CTNNA2: variants seen among roughly 807,000 people sequenced by gnomAD.
CTNNA2 encodes the protein catenin alpha 2.
A neutral mutation model predicts 101.0 loss-of-function variants in CTNNA2; 42 were observed. The ratio of observed to expected loss-of-function variants is 0.42; its 90% CI spans 0.32 to 0.54. CTNNA2 has a LOEUF of 0.54. CTNNA2 is among the 20% of genes least tolerant of loss of function. The pLI, the probability that CTNNA2 is intolerant of heterozygous loss-of-function variation, is 0.14. For synonymous variants in CTNNA2, 450 were observed against 456.4 expected (o/e 0.99, Z 0.18); for missense variants, 871 against 1,223.1 (o/e 0.71, Z 4.29).
chr2:79,598,588 T>C (rs1438711952), intron 1 of CTNNA2, among the ~76,000 whole-genome samples: 1 of 152,250 alleles, frequency 6.6e-6, no homozygotes, highest in African/African-American at 2.4e-5. Context: ...CATATGCTTA[T>C]TTGTCATCTG....
chr2:79,824,430 T>C (rs1678255035), intron 3 of CTNNA2, among the ~76,000 whole-genome samples: 1 of 152,156 alleles, frequency 6.6e-6, no homozygotes, highest in African/African-American at 2.4e-5. Context: ...TCACGATCAA[T>C]CTTAGGATGA....
At chr2:80,503,522 A>G (rs182587430) in intron 9 of CTNNA2, among the ~76,000 whole-genome samples, 7 of 152,304 alleles carry the variant, frequency 4.6e-5, no homozygotes, top group African/African-American at 1.4e-4. Context: ...CCCAAAATCA[A>G]ATCTATACCC....
At chr2:80,453,413 C>T (rs1406851996) in intron 9 of CTNNA2, among the ~76,000 whole-genome samples, 2 of 151,352 alleles carry the variant, frequency 1.3e-5, no homozygotes, top group Non-Finnish European at 2.9e-5. Context: ...TGGTACTGAA[C>T]TTCACTATGG....
intron 3 of CTNNA2, among the ~76,000 whole-genome samples, chr2:79,801,393 G>T (rs777441011): frequency 2.0e-5 from 3 of 152,182 alleles, no homozygotes; most frequent in African/African-American, 4.8e-5. Flanking sequence ...TGTAATAGTG[G>T]ATCGTTTATG....
intron 7 of CTNNA2, among the ~76,000 whole-genome samples, chr2:79,942,181 T>C (rs573866257): frequency 1.3e-4 from 20 of 152,152 alleles, no homozygotes; most frequent in Middle Eastern, 3.2e-3. Flanking sequence ...AGGGTCACTA[T>C]CTTGCCCAGG....
chr2:79,208,448 A>C (rs1305993423), intron 2 of CTNNA2, among the ~76,000 whole-genome samples: 2 of 152,194 alleles, frequency 1.3e-5, no homozygotes, highest in African/African-American at 4.8e-5. Context: ...TATTCCTGTT[A>C]GTATGGGGGA....
chr2:79,870,850 C>G (rs1682535870), intron 5 of CTNNA2, among the ~76,000 whole-genome samples: 2 of 152,100 alleles, frequency 1.3e-5, no homozygotes, highest in South Asian at 4.1e-4. Context: ...CAGTCACCTC[C>G]CTTCCTCGAC....
intron 3 of CTNNA2, among the ~76,000 whole-genome samples, chr2:79,337,882 G>A (rs906494159): frequency 1.3e-5 from 2 of 152,070 alleles, no homozygotes; most frequent in African/African-American, 2.4e-5. Context: ...TTCTTCGTGG[G>A]GTTCTGATTT....
At chr2:79,237,974 A>C (rs1243466931) in intron 2 of CTNNA2, among the ~76,000 whole-genome samples, 1 of 152,168 alleles carries the variant, frequency 6.6e-6, no homozygotes, top group Non-Finnish European at 1.5e-5. Flanking sequence ...CTGGAGTAGC[A>C]CATTTAATTT....
At position 80,479,885 on chromosome 2, in the gene CTNNA2, A is replaced by G. The variant is rs566494103; in HGVS notation, c.1290+60284A>G. 3.3e-5 allele frequency among the ~76,000 whole-genome samples: 5 copies of G among 152,320 alleles called. No homozygotes were observed. The South Asian group carries it at 1.0e-3, about 32-fold the overall frequency. On this transcript the variant is annotated intron_variant, in intron 9 of 18. Transcript: ENST00000402739. ...GGCCACTTTCAGATGCAAAGCTTGA[A>G]TAATTTCATTCTTTTGTCAACTTTG...
intron 7 of CTNNA2, among the ~76,000 whole-genome samples, chr2:80,360,288 T>A (rs1187191065): frequency 6.6e-6 from 1 of 152,136 alleles, no homozygotes; most frequent in African/African-American, 2.4e-5. Flanking sequence ...CTATTAACCA[T>A]TTTGATGGAT....
intron 7 of CTNNA2, among the ~76,000 whole-genome samples, chr2:79,970,440 T>C (rs1690396076): frequency 6.6e-6 from 1 of 152,200 alleles, no homozygotes; most frequent in South Asian, 2.1e-4. Flanking sequence ...TCTAGAATAC[T>C]GTACCTATTC....
chr2:79,768,333 A>G (rs912244872), intron 3 of CTNNA2, among the ~76,000 whole-genome samples: 2 of 151,074 alleles, frequency 1.3e-5, no homozygotes, highest in East Asian at 2.0e-4. Context: ...TTAACACTGT[A>G]TGATTGAAGG....
At chr2:79,410,242 T>C (rs1678393544) in intron 4 of CTNNA2, among the ~76,000 whole-genome samples, 2 of 145,770 alleles carry the variant, frequency 1.4e-5, no homozygotes, top group African/African-American at 5.1e-5. Context: ...TCATGTCATC[T>C]GCAAACAGGG....
At chr2:80,087,177 T>A (rs80197458) in intron 7 of CTNNA2, among the ~76,000 whole-genome samples, 1 of 152,138 alleles carries the variant, frequency 6.6e-6, no homozygotes, top group Admixed American at 6.5e-5. Context: ...AATTATAGCC[T>A]TGCAAATTCT....
intron 4 of CTNNA2, among the ~76,000 whole-genome samples, chr2:79,423,772 G>A (rs1281722786): frequency 1.3e-5 from 2 of 152,174 alleles, no homozygotes; most frequent in Non-Finnish European, 2.9e-5. Context: ...GTTCCCACCA[G>A]GTATGGAAAC....
intron 7 of CTNNA2, among the ~76,000 whole-genome samples, chr2:80,230,041 T>A (rs1709104876): frequency 6.6e-6 from 1 of 152,150 alleles, no homozygotes; most frequent in Non-Finnish European, 1.5e-5. Flanking sequence ...TTCAGTTGAA[T>A]AACATGCTAG....
chr2:80,375,567 T>TCCTCTAAGTACCTCCTA (rs1675868831), intron 7 of CTNNA2, among the ~76,000 whole-genome samples: 1 of 135,248 alleles, frequency 7.4e-6, no homozygotes, highest in Non-Finnish European at 1.5e-5. Flanking sequence ...GGCTTCTTTT[T>TCCTCTAAGTACCTCCTA]TTTTTTTTTT....
chr2:79,536,585 G>A (rs1350835029), intron 1 of CTNNA2, among the ~76,000 whole-genome samples: 1 of 151,950 alleles, frequency 6.6e-6, no homozygotes, highest in Non-Finnish European at 1.5e-5. Flanking sequence ...GTGTGTGTGT[G>A]TGTGTGTGTG....
Sources: allele counts gnomAD v4.1 joint callset (sites outside exome capture counted in the v4.1 genomes callset), GRCh38; gene constraint gnomAD v4.1.1; transcripts MANE v1.5; gene names NCBI Gene and HGNC (gene_info 2026-07-23, HGNC 2026-07-21).